Variants in RANBP9 observed in about 807,000 individuals in gnomAD.
RANBP9 encodes the protein ran-binding protein 9.
Under a neutral mutation model 84.3 loss-of-function variants are expected in RANBP9, and 15 were observed. That is an observed-to-expected ratio of 0.18 (90% CI 0.12 to 0.27). The LOEUF is 0.27. RANBP9 is among the 10% of genes least tolerant of loss of function. The pLI is 1.00. For missense variants in RANBP9, 809 were observed against 912.8 expected (o/e 0.89, Z 1.46); for synonymous variants, 392 against 349.6 (o/e 1.12, Z -1.35).
intron 2 of RANBP9, among the ~76,000 whole-genome samples, chr6:13,685,518 G>C (rs754682927): frequency 7.9e-5 from 12 of 152,002 alleles, no homozygotes; most frequent in Non-Finnish European, 1.6e-4. Flanking sequence ...AGTGAGCTAT[G>C]GTTACAGTGA....
intron 12 of RANBP9, among the ~76,000 whole-genome samples, chr6:13,631,274 C>G (rs1157858691): frequency 6.6e-6 from 1 of 152,138 alleles, no homozygotes; most frequent in East Asian, 1.9e-4. Context: ...GACTTCCCAT[C>G]TCAGCTAGGG....
At position 13,669,462 on chromosome 6, in the gene RANBP9, C is replaced by A. The variant is rs577825424; in HGVS notation, c.684-10630G>T. ...AAAAAAGTTGGAAGACTCACACATTCCAATTTTAAAACTCAATAAAAAGCT... is the reference window on the plus strand; with the variant it reads ...AAAAAAGTTGGAAGACTCACACATTACAATTTTAAAACTCAATAAAAAGCT... On this transcript the variant is annotated intron_variant, in intron 2 of 13. Coordinates refer to ENST00000011619, the MANE Select transcript of RANBP9 (RefSeq NM_005493.3). 2.0e-5 allele frequency among the ~76,000 whole-genome samples: 3 copies of A among 152,114 alleles called. No homozygotes were observed. In the East Asian group the frequency reaches 5.8e-4, roughly 29 times the overall value.
At chr6:13,693,095 C>G (rs1766365583) in intron 2 of RANBP9, among the ~76,000 whole-genome samples, 1 of 152,132 alleles carries the variant, frequency 6.6e-6, no homozygotes. Flanking sequence ...ATAGAAAAGG[C>G]ATATTCCTAC....
At chr6:13,627,785 G>A (rs968629657) in intron 12 of RANBP9, among the ~76,000 whole-genome samples, 3 of 151,764 alleles carry the variant, frequency 2.0e-5, no homozygotes, top group Non-Finnish European at 2.9e-5. Flanking sequence ...AGGAATACTT[G>A]GTAAACAAAA....
At chr6:13,630,760 T>C (rs1373858204) in intron 12 of RANBP9, among the ~76,000 whole-genome samples, 1 of 152,100 alleles carries the variant, frequency 6.6e-6, no homozygotes, top group Non-Finnish European at 1.5e-5. Flanking sequence ...CTGGTCTGTA[T>C]GCGAATACAG....
intron 1 of RANBP9, 108 bp downstream of exon 1, chr6:13,710,827 G>C: frequency 7.9e-7 from 1 of 1,268,016 alleles, no homozygotes; most frequent in Non-Finnish European, 1.1e-6. Context: ...GGCCTCCGAG[G>C]GCAGAGCCCG....
chr6:13,689,918 T>C (rs1766283968), intron 2 of RANBP9, among the ~76,000 whole-genome samples: 2 of 152,188 alleles, frequency 1.3e-5, no homozygotes, highest in African/African-American at 2.4e-5. Flanking sequence ...AAACACCATA[T>C]ACCAACAGTT....
At chr6:13,690,931 C>T (rs1489696660) in intron 2 of RANBP9, among the ~76,000 whole-genome samples, 9 of 151,986 alleles carry the variant, frequency 5.9e-5, no homozygotes, top group Admixed American at 5.2e-4. Flanking sequence ...TTTGGGAGGC[C>T]GAGGTGGGTG....
At chr6:13,660,494 T>C (rs201463798) in intron 2 of RANBP9, among the ~76,000 whole-genome samples, 60 of 152,190 alleles carry the variant, frequency 3.9e-4, no homozygotes, top group South Asian at 1.7e-3. Context: ...CCCTGAGTGA[T>C]AGACCAGGAC....
chr6:13,693,919 T>C (rs1766382960), intron 2 of RANBP9, among the ~76,000 whole-genome samples: 1 of 151,946 alleles, frequency 6.6e-6, no homozygotes, highest in Non-Finnish European at 1.5e-5. Context: ...GGTGGGCGCC[T>C]GTAATCCCAG....
chr6:13,705,644 A>G (rs1758090187), intron 1 of RANBP9, among the ~76,000 whole-genome samples: 1 of 150,586 alleles, frequency 6.6e-6, no homozygotes, highest in South Asian at 2.1e-4. Context: ...CGCAGATCAC[A>G]AGGTCAGGAG....
chr6:13,624,305 G>C (rs1764538468), intron 13 of RANBP9, among the ~76,000 whole-genome samples: 1 of 152,144 alleles, frequency 6.6e-6, no homozygotes, highest in Admixed American at 6.5e-5. Context: ...TGCTGTAAGA[G>C]TCCTGGCCCT....
At chr6:13,639,783 C>T (rs1490021333) in intron 8 of RANBP9, 30 bp from the exon 9 acceptor site, 2 of 1,544,690 alleles carry the variant, frequency 1.3e-6, no homozygotes, top group Non-Finnish European at 1.8e-6. Context: ...TTTACTTAGA[C>T]ACAATCTTCA....
chr6:13,682,597 C>T (rs188713558), intron 2 of RANBP9, among the ~76,000 whole-genome samples: 116 of 152,118 alleles, frequency 7.6e-4, no homozygotes, highest in African/African-American at 2.7e-3. Context: ...GGATTACAGG[C>T]GCCCACCACC....
intron 10 of RANBP9, among the ~76,000 whole-genome samples, chr6:13,635,618 TAAA>T (rs75512821): frequency 7.7e-6 from 1 of 129,802 alleles, no homozygotes. Flanking sequence ...ATTGTTAAGG[TAAA>T]AAAAAAAAAA....
rs757318360 is a variant in RANBP9, at chr6:13,711,038, C to A, written c.468G>T (p.Pro156=). The change falls in exon 1 of 14, where the codon CCG becomes CCT. Residue 156 remains proline, a synonymous_variant. Coordinates refer to ENST00000011619, the MANE Select transcript of RANBP9 (RefSeq NM_005493.3). The part of the protein sequence containing the change: ...ELQRRLKRLY[P]AVDEQETPLP... ...GCGGCGTCTCTTGTTCGTCCACGGC[C>A]GGGTAGAGACGCTTCAGCCGCCGCT... The A allele has an allele frequency of 6.3e-7, 1 of 1,594,590 alleles. No individual in the cohort carries two copies. Among genetic ancestry groups the A allele is most frequent in the African/African-American group, 1.3e-5 (1 of 74,540 alleles).
At chr6:13,666,557 C>G (rs1298536599) in intron 2 of RANBP9, among the ~76,000 whole-genome samples, 2 of 130,008 alleles carry the variant, frequency 1.5e-5, no homozygotes, top group African/African-American at 2.9e-5. Flanking sequence ...GAGAGAAGCG[C>G]TTGAGTCCAG....
At chr6:13,627,823 C>T (rs1764660056) in intron 12 of RANBP9, among the ~76,000 whole-genome samples, 1 of 151,884 alleles carries the variant, frequency 6.6e-6, no homozygotes, top group African/African-American at 2.4e-5. Flanking sequence ...ATATTCATAG[C>T]CTACATCCTA....
intron 10 of RANBP9, among the ~76,000 whole-genome samples, chr6:13,635,617 G>A (rs139165261): frequency 1.4e-5 from 2 of 146,758 alleles, no homozygotes; most frequent in African/African-American, 2.5e-5. Context: ...AATTGTTAAG[G>A]TAAAAAAAAA....
Sources: allele counts gnomAD v4.1 joint callset (sites outside exome capture counted in the v4.1 genomes callset), GRCh38; gene constraint gnomAD v4.1.1; transcripts MANE v1.5; gene names NCBI Gene and HGNC (gene_info 2026-07-23, HGNC 2026-07-21).